Variants in RARB observed in about 807,000 individuals in gnomAD.
RARB encodes HBV-activated protein.
Under a neutral mutation model 51.9 loss-of-function variants are expected in RARB, and 17 were observed. The observed-to-expected ratio is 0.33, with a 90% CI of 0.22 to 0.49. The LOEUF (loss-of-function observed/expected upper bound fraction) is 0.49, where lower values mean the gene tolerates loss of function less well. Ranked by LOEUF, RARB falls within the 20% of genes least tolerant of loss-of-function variation. RARB has a pLI of 0.99. For missense variants in RARB, 369 were observed against 550.8 expected (o/e 0.67, Z 3.30); for synonymous variants, 215 against 195.4 (o/e 1.10, Z -0.84).
chr3:24,939,995 C>T (rs1412951485), intron 2 of RARB, among the ~76,000 whole-genome samples: 1 of 152,164 alleles, frequency 6.6e-6, no homozygotes, highest in Non-Finnish European at 1.5e-5. Context: ...CTAATCAAAA[C>T]AATGTTCTCA....
rs530441609 is a variant in RARB at position 24,872,607 on chromosome 3, A to G, written c.-380+13855A>G. Among the ~76,000 whole-genome samples, 525 of 152,146 alleles carry G rather than the reference A, an allele frequency of 3.5e-3. 1 individual carries two copies. The highest frequency in any genetic ancestry group is 5.0e-3 in the Admixed American group (76 of 15,282). On this transcript the variant is annotated intron_variant, in intron 2 of 11. Transcript: ENST00000383772. ...TGAAAGAGCCAGCAAGAGAGGGAGG[A>G]GGGGGTGCCAGCCTCCATTAAACAA...
intron 5 of RARB, among the ~76,000 whole-genome samples, chr3:25,419,274 G>C (rs1707793947): frequency 6.6e-6 from 1 of 152,074 alleles, no homozygotes; most frequent in Non-Finnish European, 1.5e-5. Flanking sequence ...GAAGGGCAAG[G>C]GGAAACTCAG....
chr3:25,225,637 C>T (rs79698058), intron 5 of RARB, among the ~76,000 whole-genome samples: 2,150 of 152,062 alleles, frequency 0.014, 52 homozygotes, highest in African/African-American at 0.049. Flanking sequence ...CATGGAATTT[C>T]ATGAAAAAAA....
At chr3:25,368,272 G>C (rs1706190153) in intron 5 of RARB, among the ~76,000 whole-genome samples, 1 of 152,098 alleles carries the variant, frequency 6.6e-6, no homozygotes, top group South Asian at 2.1e-4. Context: ...GAAGGTCTGG[G>C]AATTTCTAGA....
chr3:25,541,610 A>T (rs937730429), intron 3 of RARB, among the ~76,000 whole-genome samples: 1 of 152,222 alleles, frequency 6.6e-6, no homozygotes, highest in South Asian at 2.1e-4. Flanking sequence ...ACAGTCAAAA[A>T]GGGAGAGTTT....
intron 1 of RARB, among the ~76,000 whole-genome samples, chr3:24,829,508 T>G (rs940571185): frequency 1.3e-5 from 2 of 151,674 alleles, no homozygotes; most frequent in African/African-American, 4.8e-5. Context: ...CCAGGGCATT[T>G]GCATGGCATC....
At chr3:24,908,666 T>TTTTG (rs1173527378) in intron 2 of RARB, among the ~76,000 whole-genome samples, 10 of 75,404 alleles carry the variant, frequency 1.3e-4, no homozygotes, top group African/African-American at 2.1e-4. Context: ...CACAACTGTT[T>TTTTG]TTTTTTTTTT....
chr3:25,052,803 G>T (rs9811936), intron 2 of RARB, among the ~76,000 whole-genome samples: 2 of 151,768 alleles, frequency 1.3e-5, no homozygotes, highest in African/African-American at 2.4e-5. Context: ...CTAGAAATAC[G>T]TATGTGACTT....
chr3:25,021,077 T>C (rs1391567722), intron 2 of RARB, among the ~76,000 whole-genome samples: 1 of 152,226 alleles, frequency 6.6e-6, no homozygotes, highest in African/African-American at 2.4e-5. Context: ...TCTGAAAAAT[T>C]ATTAGATTAT....
At chr3:25,537,664 C>G (rs977653723) in intron 3 of RARB, among the ~76,000 whole-genome samples, 3 of 152,156 alleles carry the variant, frequency 2.0e-5, no homozygotes, top group African/African-American at 7.2e-5. Context: ...AGGAGGCTCT[C>G]TTCTATGGGC....
At position 24,932,961 on chromosome 3, in the gene RARB, T is replaced by TGGTGG. The variant is rs1488417426; in HGVS notation, c.-380+74210_-380+74214dup. Among the ~76,000 whole-genome samples the TGGTGG allele has an allele frequency of 7.2e-5, 11 of 152,240 alleles. No homozygotes were observed. In the South Asian group the frequency reaches 2.3e-3, roughly 32 times the overall value. On this transcript the variant is annotated intron_variant, in intron 2 of 11. Transcript: ENST00000383772. ...ATAAAGTAGCCTTAAATGAGAAAAC[T>TGGTGG]GGTGGATTCATTTAAGTGGGCAGAA...
Position 25,593,485 on chromosome 3 carries a change from A to G in RARB, c.787-18A>G, listed in dbSNP as rs188860314. 320 of 1,584,062 alleles carry G rather than the reference A, an allele frequency of 2.0e-4. 1 individual carries two copies. Among genetic ancestry groups the G allele is most frequent in the African/African-American group, 5.7e-4 (42 of 74,142 alleles). ...ACAGGATGGCTTAGAACATCCATCA[A>G]TTTTTTTTTCCTTCCAGATTCTTAG... On this transcript the variant is annotated intron_variant, in intron 5 of 7. Coordinates refer to ENST00000330688, the MANE Select transcript of RARB (RefSeq NM_000965.5).
chr3:25,286,708 C>A (rs963068740), intron 5 of RARB, among the ~76,000 whole-genome samples: 1 of 152,120 alleles, frequency 6.6e-6, no homozygotes, highest in Non-Finnish European at 1.5e-5. Flanking sequence ...CTTACCTTCC[C>A]ATTTGAACAT....
rs561016710 is a variant in RARB at position 25,117,135 on chromosome 3, G to A, written c.-327-15026G>A. ...GTGCTAGGCACTGTGCTTAGCACAG[G>A]GAATACAGCAATAAACAGGGCAGAT... On this transcript the variant is annotated intron_variant, in intron 3 of 11. Coordinates refer to the RARB transcript ENST00000383772. 7.2e-5 allele frequency among the ~76,000 whole-genome samples: 11 copies of A among 152,208 alleles called. 1 individual carries two copies. In the South Asian group the frequency reaches 2.1e-3, roughly 29 times the overall value.
intron 5 of RARB, among the ~76,000 whole-genome samples, chr3:25,234,543 C>G (rs1575241539): frequency 2.0e-5 from 3 of 152,058 alleles, no homozygotes; most frequent in Admixed American, 2.0e-4. Context: ...TCATTTCTTT[C>G]TTTCTTTGGG....
intron 2 of RARB, among the ~76,000 whole-genome samples, chr3:24,963,263 C>G (rs1273094809): frequency 6.6e-6 from 1 of 151,804 alleles, no homozygotes; most frequent in East Asian, 1.9e-4. Flanking sequence ...TGGGCAAGTT[C>G]CTTTGCAACG....
intron 3 of RARB, among the ~76,000 whole-genome samples, chr3:25,526,892 A>C (rs1301804036): frequency 6.6e-6 from 1 of 152,184 alleles, no homozygotes; most frequent in Non-Finnish European, 1.5e-5. Flanking sequence ...GTATCATATT[A>C]TTTGCCAATG....
intron 5 of RARB, among the ~76,000 whole-genome samples, chr3:25,208,176 C>T (rs543722280): frequency 3.9e-5 from 6 of 152,242 alleles, no homozygotes; most frequent in Non-Finnish European, 8.8e-5. Flanking sequence ...CTAGGCCTTA[C>T]CGCCAACACT....
chr3:25,026,717 C>A (rs776170425), intron 2 of RARB, among the ~76,000 whole-genome samples: 1 of 152,100 alleles, frequency 6.6e-6, no homozygotes, highest in Non-Finnish European at 1.5e-5. Flanking sequence ...TAAATTTTTA[C>A]GTGTATCTCT....
Sources: gnomAD v4.1 joint callset for allele counts (sites outside exome capture counted in the v4.1 genomes callset) on GRCh38, gnomAD v4.1.1 for gene constraint, MANE v1.5 for transcripts, NCBI Gene and HGNC (gene_info 2026-07-23, HGNC 2026-07-21) for gene names.